Variants in IFT81 observed in about 807,000 individuals in gnomAD.
IFT81 encodes intraflagellar transport protein 81 homolog.
In IFT81, 72 loss-of-function variants were observed where a neutral mutation model predicts 102.6. That is an observed-to-expected ratio of 0.70 (90% CI 0.58 to 0.85). The LOEUF (loss-of-function observed/expected upper bound fraction) is 0.85. IFT81 is among the 40% of genes least tolerant of loss of function. The pLI, the probability that IFT81 is intolerant of heterozygous loss-of-function variation, is 0.00. For synonymous variants in IFT81, 237 were observed against 242.7 expected (o/e 0.98, Z 0.22); for missense variants, 723 against 787.3 (o/e 0.92, Z 0.98).
rs770158967 is a variant in IFT81 at position 110,218,241 on chromosome 12, G to A, written c.*15G>A. 30 of 1,503,790 alleles carry A rather than the reference G, an allele frequency of 2.0e-5. No homozygotes were observed. Among genetic ancestry groups the A allele is most frequent in the Admixed American group, 1.2e-4 (5 of 40,696 alleles). 93.2% of individuals were successfully genotyped at this position (1,503,790 alleles called of 1,614,324 possible). ...TAATACTGTGAATTCTTGTGTCATC[G>A]TTTGGGGTTTTACTTGATACCACTA... On this transcript the variant is annotated 3_prime_UTR_variant, in exon 19 of 19. Transcript: ENST00000242591.
At chr12:110,155,242 T>C (rs1225880750) in intron 10 of IFT81, among the ~76,000 whole-genome samples, 1 of 152,236 alleles carries the variant, frequency 6.6e-6, no homozygotes, top group Non-Finnish European at 1.5e-5. Context: ...CCTTTCACTT[T>C]CAGTTTAGTT....
At chr12:110,132,873 A>C (rs73205074) in intron 5 of IFT81, among the ~76,000 whole-genome samples, 3,431 of 152,202 alleles carry the variant, frequency 0.023, 47 homozygotes, top group Middle Eastern at 0.048. Flanking sequence ...ATGTCCATCT[A>C]CTATTCCTCC....
chr12:110,132,181 A>G (rs749108481), intron 4 of IFT81, among the ~76,000 whole-genome samples: 2 of 152,122 alleles, frequency 1.3e-5, no homozygotes, highest in Non-Finnish European at 2.9e-5. Flanking sequence ...AGAAAACTCT[A>G]TGGCTAGGCG....
In IFT81 at chr12:110,124,823, G is replaced by A. The variant is rs1223745874; in HGVS notation, c.-60G>A. The A allele has an allele frequency of 6.6e-6, 1 of 152,266 alleles. No homozygotes were observed. Among genetic ancestry groups the A allele is most frequent in the Non-Finnish European group, 1.5e-5 (1 of 68,070 alleles). The allele number at this position is 152,266 out of a possible 1,614,324, so 9.4% of individuals were successfully genotyped here. ...TTGTGCCAGAGAACACGCACGTCCT[G>A]GTTTTCATTGTTCCCCGCCTCCTGC... On this transcript the variant is annotated 5_prime_UTR_variant, in exon 1 of 19. Coordinates refer to ENST00000242591, the MANE Select transcript of IFT81 (RefSeq NM_014055.4).
chr12:110,199,843 C>T (rs1345002705), intron 14 of IFT81, among the ~76,000 whole-genome samples: 3 of 152,200 alleles, frequency 2.0e-5, no homozygotes, highest in Non-Finnish European at 2.9e-5. Context: ...CAGGAAACCA[C>T]GGTCATGAAA....
At position 110,190,935 on chromosome 12, in the gene IFT81, A is replaced by T; in HGVS notation, c.1354A>T (p.Lys452Ter). 6.4e-7 allele frequency: 1 copy of T among 1,559,842 alleles called. No individual in the cohort carries two copies. Among genetic ancestry groups the T allele is most frequent in the Non-Finnish European group, 8.6e-7 (1 of 1,157,044 alleles). The change falls in exon 13 of 19, where the codon AAA (lysine) becomes TAA (stop). Residue 452 changes from lysine (K) to a stop codon, truncating the protein, a stop_gained. Coordinates refer to ENST00000242591, the MANE Select transcript of IFT81 (RefSeq NM_014055.4). LOFTEE classifies it high-confidence loss of function. ...IQQQLQTMEE[K>*]KGISGYSYTQ... Reference sequence around the variant, plus strand: ...TTACTTATAGCAAACTATGGAGGAGAAAAAGGGTATATCTGGATATAGTTA... The same window carrying T: ...TTACTTATAGCAAACTATGGAGGAGTAAAAGGGTATATCTGGATATAGTTA...
intron 18 of IFT81, among the ~76,000 whole-genome samples, chr12:110,212,099 T>C (rs756759040): frequency 6.6e-6 from 1 of 152,158 alleles, no homozygotes; most frequent in Non-Finnish European, 1.5e-5. Flanking sequence ...GCTTGAATCA[T>C]TATTAAAAAC....
intron 17 of IFT81, among the ~76,000 whole-genome samples, chr12:110,208,747 G>A (rs1299598293): frequency 6.6e-6 from 1 of 152,076 alleles, no homozygotes; most frequent in African/African-American, 2.4e-5. Context: ...TTTAAGTTAT[G>A]GGATATTTTT....
chr12:110,199,312 G>A (rs1898155121), intron 14 of IFT81, among the ~76,000 whole-genome samples: 1 of 152,046 alleles, frequency 6.6e-6, no homozygotes, highest in African/African-American at 2.4e-5. Flanking sequence ...CATTAACAGA[G>A]CTTTGTCTCT....
At position 110,218,312 on chromosome 12, in the gene IFT81, T is replaced by G; in HGVS notation, c.*86T>G. ...ATGTATTTCTTTTTTGAAACTGATT[T>G]GTATAGCATTTTGTTTTCAGAAGAG... On this transcript the variant is annotated 3_prime_UTR_variant, in exon 19 of 19. Coordinates refer to ENST00000242591, the MANE Select transcript of IFT81 (RefSeq NM_014055.4). 3.0e-6 allele frequency: 3 copies of G among 1,001,304 alleles called. No homozygotes were observed. Among genetic ancestry groups the G allele is most frequent in the Non-Finnish European group, 4.2e-6 (3 of 716,660 alleles). 62.0% of individuals were successfully genotyped at this position (1,001,304 alleles called of 1,614,324 possible). A position where few individuals can be genotyped will look rare whatever the true frequency, so the allele number is the denominator to read the frequency against.
rs1239476233 is a variant in IFT81, at chr12:110,216,692, A to G, written c.1849-1352A>G. ...TGTCCGGCTAATTTTTGTATTTCAT[A>G]TTTTTGTATTTTTAGTACAGATGGG... On this transcript the variant is annotated intron_variant, in intron 18 of 18. Transcript: ENST00000242591. 4 of 427,302 alleles carry G rather than the reference A, an allele frequency of 9.4e-6. No individual in the cohort carries two copies. In the East Asian group the frequency reaches 2.8e-4, roughly 30 times the overall value. The allele number at this position is 427,302 out of a possible 1,614,324, so 26.5% of individuals were successfully genotyped here. A position where few individuals can be genotyped will look rare whatever the true frequency, so the allele number is the denominator to read the frequency against.
intron 9 of IFT81, 62 bp from the exon 10 acceptor site, chr12:110,146,891 C>CT: frequency 6.8e-7 from 1 of 1,475,120 alleles, no homozygotes; most frequent in Non-Finnish European, 9.0e-7. Flanking sequence ...CCAGACGTCA[C>CT]TTAGTTTGTG....
intron 10 of IFT81, among the ~76,000 whole-genome samples, chr12:110,151,891 G>A (rs1895554200): frequency 6.6e-6 from 1 of 152,110 alleles, no homozygotes; most frequent in Non-Finnish European, 1.5e-5. Context: ...CCACATGTGA[G>A]TGAGATCATG....
chr12:110,179,761 T>C (rs1225381877), intron 11 of IFT81, among the ~76,000 whole-genome samples: 951 of 67,792 alleles, frequency 0.014, 48 homozygotes, highest in African/African-American at 0.056. Context: ...TATATATATA[T>C]ATATATATAT....
At chr12:110,137,219 A>C (rs1894570872) in intron 8 of IFT81, among the ~76,000 whole-genome samples, 2 of 152,292 alleles carry the variant, frequency 1.3e-5, no homozygotes, top group South Asian at 4.1e-4. Context: ...GGGTGCCTGT[A>C]ATCCCAGCTA....
chr12:110,169,023 C>CCTTCCTTCCTT lies in IFT81; in HGVS notation c.1188+5959_1188+5960insTTCCTTCCTTC, dbSNP rs1896594214. 17 of 115,418 alleles carry CCTTCCTTCCTT rather than the reference C, an allele frequency of 1.5e-4. No homozygotes were observed. In the South Asian group the frequency reaches 3.7e-3, roughly 25 times the overall value. 7.1% of individuals were successfully genotyped at this position (115,418 alleles called of 1,614,324 possible). On this transcript the variant is annotated intron_variant, in intron 11 of 18. Transcript: ENST00000242591. ...TTTGTCTTTCTTTCTTTTCCTTCCT[C>CCTTCCTTCCTT]CCTTCCTTCCTTCCTTCCTTCCTTC...
At chr12:110,127,565 C>A in intron 2 of IFT81, 41 bp downstream of exon 2, 1 of 1,531,180 alleles carries the variant, frequency 6.5e-7, no homozygotes, top group Non-Finnish European at 8.8e-7. Flanking sequence ...AGCAGAAAGC[C>A]AATTTCTCCC....
intron 4 of IFT81, among the ~76,000 whole-genome samples, chr12:110,130,697 A>G (rs1195909190): frequency 6.6e-6 from 1 of 151,996 alleles, no homozygotes; most frequent in Non-Finnish European, 1.5e-5. Context: ...ATGCTCAGCT[A>G]GTTGATGAAA....
intron 9 of IFT81, 133 bp from the exon 10 acceptor site, chr12:110,146,815 TTAGTC>T (rs2137374210): frequency 2.0e-6 from 2 of 1,012,668 alleles, no homozygotes; most frequent in Middle Eastern, 3.9e-4. Flanking sequence ...AAAAAAAAAA[TTAGTC>T]TAGGTGAAAC....
Sources: gnomAD v4.1 joint callset for allele counts (sites outside exome capture counted in the v4.1 genomes callset) on GRCh38, gnomAD v4.1.1 for gene constraint, MANE v1.5 for transcripts, NCBI Gene and HGNC (gene_info 2026-07-23, HGNC 2026-07-21) for gene names.